BBOF1: variants seen among roughly 807,000 people sequenced by gnomAD.
The protein encoded by BBOF1 is basal body orientation factor 1.
BBOF1 carries 62 observed loss-of-function variants against 68.0 expected under a neutral mutation model. The ratio of observed to expected loss-of-function variants is 0.91; its 90% CI spans 0.74 to 1.13. The LOEUF is 1.13. BBOF1 is among the 50% of genes most tolerant of loss of function. The pLI, the probability that BBOF1 is intolerant of heterozygous loss-of-function variation, is 0.00. For synonymous variants in BBOF1, 208 were observed against 198.8 expected (o/e 1.05, Z -0.39); for missense variants, 534 against 600.1 (o/e 0.89, Z 1.15).
intron 2 of BBOF1, among the ~76,000 whole-genome samples, chr14:74,026,907 A>C (rs1566791120): frequency 6.6e-6 from 1 of 150,586 alleles, no homozygotes; most frequent in Non-Finnish European, 1.5e-5. Context: ...CCTCAGGGAC[A>C]GAGTGAGACT....
At chr14:74,025,928 C>G (rs1463724557) in intron 2 of BBOF1, among the ~76,000 whole-genome samples, 2 of 146,754 alleles carry the variant, frequency 1.4e-5, no homozygotes, top group African/African-American at 5.0e-5. Context: ...TCACATGAGG[C>G]CAGGAGTTTG....
rs568793247 is a variant in BBOF1, at chr14:74,052,537, C to T, written c.1286+2342C>T. On this transcript the variant is annotated intron_variant, in intron 8 of 11. Coordinates refer to ENST00000394009, the MANE Select transcript of BBOF1 (RefSeq NM_025057.3). ...GCACACACCTGTAATCCCAGCTACTCAGGAGGCTGAGGCAGGAGAATCACT... is the reference window on the plus strand; with the variant it reads ...GCACACACCTGTAATCCCAGCTACTTAGGAGGCTGAGGCAGGAGAATCACT... Among the ~76,000 whole-genome samples, 1,244 of 150,448 alleles carry T rather than the reference C, an allele frequency of 8.3e-3. 27 individuals are homozygous for T. The highest frequency in any genetic ancestry group is 0.029 in the African/African-American group (1,144 of 40,020).
intron 4 of BBOF1, among the ~76,000 whole-genome samples, chr14:74,036,115 G>C (rs894120173): frequency 6.6e-6 from 1 of 151,806 alleles, no homozygotes; most frequent in South Asian, 2.1e-4. Flanking sequence ...GAGTGCAGTG[G>C]CGCGATCTCT....
At chr14:74,033,879 AAAATAAAT>A (rs140299640) in intron 3 of BBOF1, 141 bp from the exon 4 acceptor site, 3 of 349,262 alleles carry the variant, frequency 8.6e-6, no homozygotes, top group South Asian at 8.8e-5. Flanking sequence ...ATAAATAAAT[AAAATAAAT>A]AAATAAATAA....
rs567159731 is a variant in BBOF1, at chr14:74,063,844, C to T, written c.1579-844C>T. On this transcript the variant is annotated intron_variant, in intron 11 of 11. Coordinates refer to ENST00000394009, the MANE Select transcript of BBOF1 (RefSeq NM_025057.3). ...TTGTGCCACCGCACCCCAGCCTGTG[C>T]GACAGAGTGAGACTCTGTCTCAAAA... is the stretch of plus-strand genomic sequence containing the variant. Among the ~76,000 whole-genome samples the T allele has an allele frequency of 1.4e-4, 20 of 143,984 alleles. No homozygotes were observed. In the East Asian group the frequency reaches 1.7e-3, roughly 13 times the overall value. 94.5% of individuals were successfully genotyped at this position (143,984 alleles called of 152,430 possible). A position where few individuals can be genotyped will look rare whatever the true frequency, so the allele number is the denominator to read the frequency against.
At chr14:74,063,593 T>C (rs62005116) in intron 11 of BBOF1, among the ~76,000 whole-genome samples, 28,147 of 151,816 alleles carry the variant, frequency 0.19, 2,821 homozygotes, top group South Asian at 0.43. Flanking sequence ...TGGTTGGCTG[T>C]GGTGGCTCAT....
intron 12 of BBOF1, chr14:74,081,324 C>T (rs2060665948): frequency 6.6e-6 from 1 of 152,152 alleles, no homozygotes; most frequent in Non-Finnish European, 1.5e-5. Context: ...TGAGTACTCG[C>T]CAAGCAATCA....
intron 11 of BBOF1, among the ~76,000 whole-genome samples, chr14:74,062,354 C>G (rs2060365180): frequency 6.6e-6 from 1 of 152,092 alleles, no homozygotes; most frequent in East Asian, 1.9e-4. Flanking sequence ...GTAATCCCAG[C>G]ACTTTGGGAG....
At chr14:74,076,464 C>T (rs749549485) in intron 9 of BBOF1, among the ~76,000 whole-genome samples, 7 of 152,104 alleles carry the variant, frequency 4.6e-5, no homozygotes, top group Non-Finnish European at 8.8e-5. Context: ...CGTGTTCAAG[C>T]GATTCTCCTG....
At chr14:74,020,064 A>C (rs73303121) in intron 1 of BBOF1, among the ~76,000 whole-genome samples, 19 of 152,226 alleles carry the variant, frequency 1.2e-4, no homozygotes, top group Non-Finnish European at 2.5e-4. Flanking sequence ...CAATACAGAA[A>C]GTTTGGGAAA....
chr14:74,029,424 T>C (rs999444842), intron 3 of BBOF1, among the ~76,000 whole-genome samples, 175 bp downstream of exon 3: 5 of 152,140 alleles, frequency 3.3e-5, no homozygotes, highest in African/African-American at 1.2e-4. Flanking sequence ...GGCTCATGCC[T>C]GTAATCCCAA....
downstream of BBOF1, among the ~76,000 whole-genome samples, chr14:74,070,318 A>G (rs577947088): frequency 6.6e-6 from 1 of 152,182 alleles, no homozygotes; most frequent in African/African-American, 2.4e-5. Flanking sequence ...CAGGAGTTTG[A>G]GACTAGCCTG....
chr14:74,069,085 T>G, downstream of BBOF1: 1 of 1,256,160 alleles, frequency 8.0e-7, no homozygotes, highest in Admixed American at 2.4e-5. Context: ...TTTCCTGTGT[T>G]TTTCTTTTAC....
At chr14:74,056,125 A>G (rs1323821347) in intron 9 of BBOF1, among the ~76,000 whole-genome samples, 1 of 150,906 alleles carries the variant, frequency 6.6e-6, no homozygotes, top group African/African-American at 2.4e-5. Flanking sequence ...TCCACTTCCC[A>G]GGTGCAAGTG....
chr14:74,050,506 C>T (rs1304261710), intron 8 of BBOF1, among the ~76,000 whole-genome samples: 2 of 151,946 alleles, frequency 1.3e-5, no homozygotes, highest in East Asian at 3.9e-4. Flanking sequence ...TCACTTGTTC[C>T]TTTGTTTCCC....
intron 9 of BBOF1, among the ~76,000 whole-genome samples, chr14:74,074,327 A>G (rs1566835005): frequency 7.0e-6 from 1 of 142,998 alleles, no homozygotes; most frequent in Non-Finnish European, 1.5e-5. Context: ...TCGCTCTGTC[A>G]TCAGGCTGGA....
At chr14:74,069,693 C>T (rs1245375627), downstream of BBOF1, among the ~76,000 whole-genome samples, 1 of 151,932 alleles carries the variant, frequency 6.6e-6, no homozygotes, top group Non-Finnish European at 1.5e-5. Flanking sequence ...GCAGAGGTTG[C>T]AGCGAGCCGA....
downstream of BBOF1, chr14:74,066,987 A>G (rs2060477153): frequency 3.5e-6 from 4 of 1,135,842 alleles, no homozygotes; most frequent in Admixed American, 7.6e-5. Context: ...AGGCCAAGGC[A>G]GGAGGACTGC....
chr14:74,072,045 A>T, intron 9 of BBOF1: 1 of 1,579,890 alleles, frequency 6.3e-7, no homozygotes. Flanking sequence ...GTAGCAAAGG[A>T]AGAATAAGAC....
Sources: allele counts gnomAD v4.1 joint callset (sites outside exome capture counted in the v4.1 genomes callset), GRCh38; gene constraint gnomAD v4.1.1; transcripts MANE v1.5; gene names NCBI Gene and HGNC (gene_info 2026-07-23, HGNC 2026-07-21).